Variants in KCNB2 observed in about 807,000 individuals in gnomAD.
KCNB2 encodes potassium voltage-gated channel subfamily B member 2, also known as delayed rectifier potassium channel protein.
In KCNB2, 15 loss-of-function variants were observed where a neutral mutation model predicts 61.5. That is an observed-to-expected ratio of 0.24 (90% CI 0.16 to 0.38). KCNB2 has a LOEUF of 0.38. KCNB2 is among the 10% of genes least tolerant of loss of function. KCNB2 has a pLI of 1.00. For synonymous variants in KCNB2, 457 were observed against 446.0 expected, an observed-to-expected ratio of 1.02 and a Z score of -0.31; for missense variants, 828 against 1,125.2, an observed-to-expected ratio of 0.74 and a Z score of 3.78.
chr8:72,934,330 T>C (rs1206985596), intron 2 of KCNB2, among the ~76,000 whole-genome samples: 4 of 143,124 alleles, frequency 2.8e-5, no homozygotes, highest in African/African-American at 1.0e-4. Flanking sequence ...GCTAGTGAGC[T>C]GAGATTGCAC....
intron 2 of KCNB2, among the ~76,000 whole-genome samples, chr8:72,892,144 G>A (rs532209961): frequency 1.3e-5 from 2 of 152,298 alleles, no homozygotes; most frequent in South Asian, 2.1e-4. Context: ...TCCCTGAGCT[G>A]TATTAGGTTC....
chr8:72,776,726 G>A (rs1195546922), intron 2 of KCNB2, among the ~76,000 whole-genome samples: 1 of 152,128 alleles, frequency 6.6e-6, no homozygotes, highest in Non-Finnish European at 1.5e-5. Context: ...ACACACGTTC[G>A]GAGATCGGCA....
intron 2 of KCNB2, among the ~76,000 whole-genome samples, chr8:72,620,964 A>G (rs1394947580): frequency 6.6e-6 from 1 of 152,152 alleles, no homozygotes; most frequent in Non-Finnish European, 1.5e-5. Flanking sequence ...CCTTAGACAC[A>G]AGGGAATGTG....
intron 2 of KCNB2, among the ~76,000 whole-genome samples, chr8:72,914,560 G>A (rs1806357644): frequency 6.6e-6 from 1 of 152,104 alleles, no homozygotes; most frequent in Non-Finnish European, 1.5e-5. Flanking sequence ...AGAATTTGGA[G>A]TTAAAGTAAG....
rs566594317 is a variant in KCNB2 at position 72,654,495 on chromosome 8, T to C, written c.579+86182T>C. ...ATACTTAGTAAATGTAATTGTATTC[T>C]AATACCCAATACAATATAAAAAGAA... On this transcript the variant is annotated intron_variant, in intron 2 of 2. Coordinates refer to ENST00000523207, the MANE Select transcript of KCNB2 (RefSeq NM_004770.3). Among the ~76,000 whole-genome samples, 18 of 152,306 alleles carry C rather than the reference T, an allele frequency of 1.2e-4. No individual in the cohort carries two copies. The South Asian group carries it at 3.7e-3, about 32-fold the overall frequency.
chr8:72,819,082 C>T (rs1411602701), intron 2 of KCNB2, among the ~76,000 whole-genome samples: 3 of 152,148 alleles, frequency 2.0e-5, no homozygotes, highest in Admixed American at 1.3e-4. Context: ...TAGGTAAATT[C>T]AGAGACAAAG....
intron 2 of KCNB2, among the ~76,000 whole-genome samples, chr8:72,910,668 G>A (rs1806272310): frequency 6.6e-6 from 1 of 152,162 alleles, no homozygotes; most frequent in Non-Finnish European, 1.5e-5. Context: ...GGACAAGTTA[G>A]GATCAGTGAC....
chr8:72,845,981 G>A (rs913590942), intron 2 of KCNB2, among the ~76,000 whole-genome samples: 1 of 105,186 alleles, frequency 9.5e-6, no homozygotes, highest in Non-Finnish European at 2.1e-5. Flanking sequence ...AGGCACCACT[G>A]GGGTATGAAA....
intron 2 of KCNB2, among the ~76,000 whole-genome samples, chr8:72,637,013 G>A (rs1805976102): frequency 6.6e-6 from 1 of 151,922 alleles, no homozygotes; most frequent in Non-Finnish European, 1.5e-5. Context: ...AAGAGTGGTG[G>A]TTGATGCTCT....
chr8:72,872,003 T>C (rs1805626380), intron 2 of KCNB2, among the ~76,000 whole-genome samples: 1 of 152,176 alleles, frequency 6.6e-6, no homozygotes, highest in South Asian at 2.1e-4. Context: ...TCTAGGAGTT[T>C]CTCACTGATG....
At chr8:72,546,872 G>A (rs1031594760) in intron 1 of KCNB2, among the ~76,000 whole-genome samples, 1 of 152,150 alleles carries the variant, frequency 6.6e-6, no homozygotes, top group Non-Finnish European at 1.5e-5. Flanking sequence ...ATTTTTAATG[G>A]AGATTAAACA....
intron 2 of KCNB2, among the ~76,000 whole-genome samples, chr8:72,855,365 A>G (rs943463808): frequency 7.2e-5 from 11 of 152,074 alleles, no homozygotes; most frequent in African/African-American, 2.4e-4. Flanking sequence ...ACAGCTTTTG[A>G]TATCAAGTTT....
chr8:72,690,036 C>CTT (rs1554584313), intron 2 of KCNB2, among the ~76,000 whole-genome samples: 1 of 63,904 alleles, frequency 1.6e-5, no homozygotes, highest in African/African-American at 8.0e-5. Flanking sequence ...TTGCCCTCGC[C>CTT]ATAAAAAAAA....
At chr8:72,622,354 T>C (rs979260649) in intron 2 of KCNB2, among the ~76,000 whole-genome samples, 1 of 152,218 alleles carries the variant, frequency 6.6e-6, no homozygotes, top group Admixed American at 6.5e-5. Flanking sequence ...TCCAAGAGTA[T>C]TGAGACTAAT....
At chr8:72,771,363 AT>A (rs1331153257) in intron 2 of KCNB2, among the ~76,000 whole-genome samples, 1 of 152,046 alleles carries the variant, frequency 6.6e-6, no homozygotes, top group Non-Finnish European at 1.5e-5. Flanking sequence ...CTTTTTATAT[AT>A]TTTTTATTTC....
intron 2 of KCNB2, among the ~76,000 whole-genome samples, chr8:72,924,431 C>T (rs1320056086): frequency 6.6e-6 from 1 of 152,132 alleles, no homozygotes; most frequent in Non-Finnish European, 1.5e-5. Context: ...ACATATGAAT[C>T]ATTTGAGAAT....
Position 72,881,428 on chromosome 8 carries a change from G to A in KCNB2, c.580-54507G>A, listed in dbSNP as rs1317766100. ...AATGCCTCGCCCTGCTTCGGCTCGC[G>A]CACGGTGCGCACACACACTGGCCTG... is the stretch of plus-strand genomic sequence containing the variant. On this transcript the variant is annotated intron_variant, in intron 2 of 2. Transcript: ENST00000523207. 2 of 13,644 alleles carry A rather than the reference G, an allele frequency of 1.5e-4. 1 individual carries two copies. Among genetic ancestry groups the A allele is most frequent in the Non-Finnish European group, 3.4e-4 (2 of 5,802 alleles). 0.8% of individuals were successfully genotyped at this position (13,644 alleles called of 1,614,324 possible).
At chr8:72,783,731 G>A (rs189729627) in intron 2 of KCNB2, among the ~76,000 whole-genome samples, 57 of 152,248 alleles carry the variant, frequency 3.7e-4, no homozygotes, top group Non-Finnish European at 5.3e-4. Flanking sequence ...CCTGCCTTTT[G>A]TTTCCTGCGT....
At chr8:72,861,221 A>G (rs1056050843) in intron 2 of KCNB2, among the ~76,000 whole-genome samples, 1 of 152,220 alleles carries the variant, frequency 6.6e-6, no homozygotes, top group Non-Finnish European at 1.5e-5. Flanking sequence ...CACATTTGCT[A>G]ATGTCCCCAA....
Sources: gnomAD v4.1 joint callset for allele counts (sites outside exome capture counted in the v4.1 genomes callset) on GRCh38, gnomAD v4.1.1 for gene constraint, MANE v1.5 for transcripts, NCBI Gene and HGNC (gene_info 2026-07-23, HGNC 2026-07-21) for gene names.